The following DDHD2 variants were observed in gnomAD, a reference collection of about 807,000 sequenced individuals.
DDHD2 encodes DDHD domain containing 2.
A neutral mutation model predicts 91.2 loss-of-function variants in DDHD2; 62 were observed. The observed-to-expected ratio is 0.68, with a 90% CI of 0.55 to 0.84. The LOEUF is 0.84. Among genes scored for constraint, DDHD2 ranks in the 40% least tolerant of loss-of-function variants. The probability of loss-of-function intolerance (pLI) is 0.00; values close to 1 mark genes in which losing one functional copy is unlikely to be tolerated. For synonymous variants in DDHD2, 271 were observed against 293.9 expected, an observed-to-expected ratio of 0.92 and a Z score of 0.80; for missense variants, 740 against 846.9, an observed-to-expected ratio of 0.87 and a Z score of 1.57.
intron 1 of DDHD2, chr8:38,269,258 G>A: frequency 1.5e-6 from 2 of 1,373,590 alleles, no homozygotes; most frequent in South Asian, 3.2e-5. Context: ...GGGAGGGCCG[G>A]GCCGGGAACT....
At chr8:38,233,605 G>A (rs556079668) in intron 2 of DDHD2, among the ~76,000 whole-genome samples, 21 of 150,314 alleles carry the variant, frequency 1.4e-4, no homozygotes, top group African/African-American at 4.9e-4. Context: ...TATCTTTAAT[G>A]TTCTAGCTTA....
chr8:38,267,441 A>T (rs1435907342), downstream of DDHD2: 2 of 1,597,112 alleles, frequency 1.3e-6, no homozygotes, highest in Non-Finnish European at 1.7e-6. Flanking sequence ...TCCAGAAATT[A>T]TTTTTCAGTT....
chr8:38,270,694 G>C (rs1382673825), intron 1 of DDHD2: 3 of 152,272 alleles, frequency 2.0e-5, no homozygotes, highest in African/African-American at 7.2e-5. Context: ...AGCAGTAAAA[G>C]CTGAGGGTGC....
chr8:38,251,793 T>TG (rs1480458795), intron 11 of DDHD2, 119 bp from the exon 12 acceptor site: 1 of 660,516 alleles, frequency 1.5e-6, no homozygotes, highest in Non-Finnish European at 2.6e-6. Context: ...ACGTTGGACT[T>TG]GAACTCTTGG....
Position 38,252,938 on chromosome 8 carries a change from CTTTA to C in DDHD2, c.1721-13_1721-10del, listed in dbSNP as rs1237224935. Reference sequence around the variant, plus strand: ...AGCTCTTTGTAAATCATTTAATGTTCTTTATTTATATGTTTCAGAACTGAGAGAG... The same window carrying C: ...AGCTCTTTGTAAATCATTTAATGTTCTTTATATGTTTCAGAACTGAGAGAG... On this transcript the variant is annotated splice_polypyrimidine_tract_variant and intron_variant, in intron 14 of 17. Coordinates refer to ENST00000397166, the MANE Select transcript of DDHD2 (RefSeq NM_015214.3). The C allele has an allele frequency of 6.2e-7, 1 of 1,612,974 alleles. No individual in the cohort carries two copies. Among genetic ancestry groups the C allele is most frequent in the Non-Finnish European group, 8.5e-7 (1 of 1,179,396 alleles).
At chr8:38,240,432 T>A in intron 6 of DDHD2, 68 bp downstream of exon 6, 1 of 1,171,200 alleles carries the variant, frequency 8.5e-7, no homozygotes, top group South Asian at 1.4e-5. Context: ...AGCCTTGTCT[T>A]TGGTCTATTG....
At chr8:38,234,335 T>C (rs1804531559) in intron 2 of DDHD2, 59 bp from the exon 3 acceptor site, 22 of 1,302,084 alleles carry the variant, frequency 1.7e-5, no homozygotes, top group Non-Finnish European at 2.3e-5. Context: ...CTGAGAATTG[T>C]ATGTTGGGAG....
In DDHD2 at chr8:38,252,241, A is replaced by G. The variant is rs1377582165; in HGVS notation, c.1571A>G (p.Asn524Ser). 6.2e-7 allele frequency: 1 copy of G among 1,614,088 alleles called. No homozygotes were observed. Among genetic ancestry groups the G allele is most frequent in the Non-Finnish European group, 8.5e-7 (1 of 1,180,010 alleles). Residue 524 changes from asparagine (N) to serine (S), a missense_variant, in exon 13 of 18, where the codon AAC becomes AGC. By Grantham distance (46) the Asn-to-Ser change is conservative. Coordinates refer to ENST00000397166, the MANE Select transcript of DDHD2 (RefSeq NM_015214.3). ...TVRGLKRIDPNYRFPTCKGFF... is the reference protein window; with the variant it reads ...TVRGLKRIDPSYRFPTCKGFF... ...CGAGGACTAAAAAGAATTGATCCCA[A>G]CTACAGATTTCCAACGTGCAAAGGT...
intron 9 of DDHD2, chr8:38,247,415 C>G (rs1438614833): frequency 5.9e-6 from 1 of 169,138 alleles, no homozygotes; most frequent in Non-Finnish European, 1.3e-5. Context: ...CCACCATGCC[C>G]AGCCTAGACT....
chr8:38,253,309 C>G lies in DDHD2; in HGVS notation c.1891+182C>G, dbSNP rs1806257405. Reference sequence around the variant, plus strand: ...GCTTGCATTTAGTATAAACCCAAGGCAAATGACCTAGCTATCAATGGTATA... The same window carrying G: ...GCTTGCATTTAGTATAAACCCAAGGGAAATGACCTAGCTATCAATGGTATA... On this transcript the variant is annotated intron_variant, in intron 15 of 17. Transcript: ENST00000397166. The G allele has an allele frequency of 1.0e-5, 8 of 779,630 alleles. 1 individual carries two copies. The highest frequency in any genetic ancestry group is 3.8e-4 in the Middle Eastern group (1 of 2,664). The allele number at this position is 779,630 out of a possible 1,614,324, so 48.3% of individuals were successfully genotyped here. A position where few individuals can be genotyped will look rare whatever the true frequency, so the allele number is the denominator to read the frequency against.
chr8:38,262,723 T>C lies in DDHD2; in HGVS notation c.*2150T>C, dbSNP rs749779744. ...TTGCATTTTTGAAATGTTTGTTTTC[T>C]ACGTGATTATATTTAAAACTTTAGT... On this transcript the variant is annotated 3_prime_UTR_variant, in exon 18 of 18. Coordinates refer to ENST00000397166, the MANE Select transcript of DDHD2 (RefSeq NM_015214.3). The C allele has an allele frequency of 2.0e-5, 3 of 152,230 alleles. No individual in the cohort carries two copies. The highest frequency in any genetic ancestry group is 4.4e-5 in the Non-Finnish European group (3 of 68,028). The allele number at this position is 152,230 out of a possible 1,614,324, so 9.4% of individuals were successfully genotyped here. A position where few individuals can be genotyped will look rare whatever the true frequency, so the allele number is the denominator to read the frequency against.
At chr8:38,270,643 G>A (rs773588457) in intron 1 of DDHD2, 2 of 152,218 alleles carry the variant, frequency 1.3e-5, no homozygotes, top group Admixed American at 1.3e-4. Flanking sequence ...ATACTTGAGG[G>A]CTGTTTGCAC....
intron 3 of DDHD2, among the ~76,000 whole-genome samples, chr8:38,235,764 A>G (rs948120026): frequency 6.6e-6 from 1 of 151,382 alleles, no homozygotes; most frequent in Non-Finnish European, 1.5e-5. Context: ...TCTCACCTGT[A>G]ATCCCAGCAC....
chr8:38,242,945 G>A (rs1056409980), intron 7 of DDHD2, among the ~76,000 whole-genome samples: 1 of 152,032 alleles, frequency 6.6e-6, no homozygotes, highest in Non-Finnish European at 1.5e-5. Context: ...TCTAGCTATG[G>A]GGCTCTCCAG....
chr8:38,268,999 G>A (rs1217679032), intron 1 of DDHD2: 4 of 1,573,768 alleles, frequency 2.5e-6, no homozygotes, highest in Non-Finnish European at 3.4e-6. Flanking sequence ...CCCTAGAGGG[G>A]AACAAAGAAG....
intron 3 of DDHD2, among the ~76,000 whole-genome samples, chr8:38,236,692 T>G (rs1227024353): frequency 6.6e-6 from 1 of 152,142 alleles, no homozygotes; most frequent in Non-Finnish European, 1.5e-5. Flanking sequence ...ATTTTGTATT[T>G]GTAGTAGAGA....
At chr8:38,243,254 T>A (rs1225740757) in intron 7 of DDHD2, among the ~76,000 whole-genome samples, 1 of 152,172 alleles carries the variant, frequency 6.6e-6, no homozygotes, top group African/African-American at 2.4e-5. Flanking sequence ...GATGTTAGAT[T>A]TTGTCAGCGT....
At chr8:38,251,545 A>G in intron 11 of DDHD2, 1 of 174,458 alleles carries the variant, frequency 5.7e-6, no homozygotes, top group Non-Finnish European at 1.2e-5. Flanking sequence ...TTTCAACGCT[A>G]CTGAAATGGC....
chr8:38,238,295 C>T, intron 5 of DDHD2, 86 bp downstream of exon 5: 1 of 1,566,990 alleles, frequency 6.4e-7, no homozygotes. Context: ...ATTTAGATTA[C>T]CTCAAGGCTT....
Sources: allele counts gnomAD v4.1 joint callset (sites outside exome capture counted in the v4.1 genomes callset), GRCh38; gene constraint gnomAD v4.1.1; transcripts MANE v1.5; gene names NCBI Gene and HGNC (gene_info 2026-07-23, HGNC 2026-07-21).